The following TNKS variants were observed in gnomAD, a reference collection of about 807,000 sequenced individuals.
TNKS encodes tankyrase.
In TNKS, 72 loss-of-function variants were observed where a neutral mutation model predicts 135.8. The observed-to-expected ratio is 0.53, with a 90% CI of 0.44 to 0.64. TNKS has a LOEUF of 0.64. Among genes scored for constraint, TNKS ranks in the 30% least tolerant of loss-of-function variants. The pLI is 0.00. For synonymous variants in TNKS, 849 were observed against 649.3 expected, an observed-to-expected ratio of 1.31 and a Z score of -4.68; for missense variants, 1,769 against 1,674.0, an observed-to-expected ratio of 1.06 and a Z score of -0.99.
In TNKS at chr8:9,565,286, T is replaced by C. The variant is rs187767447; in HGVS notation, c.673+8674T>C. On this transcript the variant is annotated intron_variant, in intron 1 of 26. Transcript: ENST00000310430. ...TTTAGACAAGTTATTTATTTATTTA[T>C]TTATTTTGGTTTTGGAAGAGGGAAA... 4.1e-4 allele frequency among the ~76,000 whole-genome samples: 62 copies of C among 152,314 alleles called. 2 individuals are homozygous for C. Among genetic ancestry groups the C allele is most frequent in the Admixed American group, 3.3e-3 (51 of 15,300 alleles).
At chr8:9,582,697 T>C (rs955024539) in intron 2 of TNKS, among the ~76,000 whole-genome samples, 1 of 152,202 alleles carries the variant, frequency 6.6e-6, no homozygotes, top group Admixed American at 6.5e-5. Flanking sequence ...GAGGATAAGC[T>C]AGTACATATA....
At chr8:9,577,589 T>A (rs908013990) in intron 1 of TNKS, among the ~76,000 whole-genome samples, 1 of 152,106 alleles carries the variant, frequency 6.6e-6, no homozygotes, top group Non-Finnish European at 1.5e-5. Flanking sequence ...CAACCAGATC[T>A]TGTGAGAACT....
chr8:9,719,945 C>G (rs1018928775), intron 11 of TNKS, among the ~76,000 whole-genome samples: 1 of 152,130 alleles, frequency 6.6e-6, no homozygotes, highest in Non-Finnish European at 1.5e-5. Context: ...TAATCAACTA[C>G]TTTGACAGTC....
chr8:9,611,936 T>C (rs1799479284), intron 2 of TNKS, among the ~76,000 whole-genome samples: 1 of 152,216 alleles, frequency 6.6e-6, no homozygotes, highest in Non-Finnish European at 1.5e-5. Flanking sequence ...TTCATTTTGA[T>C]TCAGAGGGTG....
chr8:9,645,199 G>A (rs1165025715), intron 3 of TNKS, among the ~76,000 whole-genome samples: 1 of 152,026 alleles, frequency 6.6e-6, no homozygotes, highest in African/African-American at 2.4e-5. Flanking sequence ...GGTCTAAGGA[G>A]GACAAGGGTG....
intron 17 of TNKS, among the ~76,000 whole-genome samples, chr8:9,743,036 C>T (rs981464208): frequency 1.3e-5 from 2 of 152,066 alleles, no homozygotes; most frequent in African/African-American, 4.8e-5. Context: ...AATCATAGGA[C>T]TCCAGTCTAC....
intron 2 of TNKS, among the ~76,000 whole-genome samples, chr8:9,596,459 A>G (rs989130703): frequency 3.9e-5 from 6 of 152,174 alleles, no homozygotes; most frequent in African/African-American, 1.4e-4. Flanking sequence ...CTTTACTTTT[A>G]AAAAACGTAG....
At chr8:9,702,014 C>T (rs1268525558) in intron 5 of TNKS, among the ~76,000 whole-genome samples, 1 of 152,174 alleles carries the variant, frequency 6.6e-6, no homozygotes, top group Non-Finnish European at 1.5e-5. Flanking sequence ...AAAAAGCCCT[C>T]ATAATTCACT....
At chr8:9,688,999 C>G (rs572638989) in intron 5 of TNKS, among the ~76,000 whole-genome samples, 1 of 152,280 alleles carries the variant, frequency 6.6e-6, no homozygotes, top group South Asian at 2.1e-4. Context: ...GAGGTTCCCA[C>G]CCTTATGACC....
chr8:9,751,814 G>C lies in TNKS; in HGVS notation c.3038G>C (p.Gly1013Ala). 6.2e-7 allele frequency: 1 copy of C among 1,614,174 alleles called. No homozygotes were observed. Among genetic ancestry groups the C allele is most frequent in the Non-Finnish European group, 8.5e-7 (1 of 1,180,026 alleles). Reference sequence around the variant, plus strand: ...GGAGGAGCCTCCAATGCAGGGGATGGCGCCGCGGGAACAGAAAGGAAGGAA... The same window carrying C: ...GGAGGAGCCTCCAATGCAGGGGATGCCGCCGCGGGAACAGAAAGGAAGGAA... The part of the protein sequence containing the change: ...AVGGASNAGD[G>A]AAGTERKEGE... Residue 1013 changes from glycine (G) to alanine (A), a missense_variant, in exon 19 of 27, where the codon GGC (glycine) becomes GCC (alanine). Around this residue, in one of 5 missense-constraint regions of TNKS, gnomAD observed 722 missense variants for 688.9 expected, o/e 1.05. Transcript: ENST00000310430.
At chr8:9,669,812 A>AGACAAACATT (rs57482554) in intron 3 of TNKS, among the ~76,000 whole-genome samples, 2 of 152,004 alleles carry the variant, frequency 1.3e-5, no homozygotes, top group African/African-American at 4.8e-5. Context: ...GCCAGTTTCA[A>AGACAAACATT]GAGGGTTCGC....
intron 14 of TNKS, among the ~76,000 whole-genome samples, chr8:9,732,796 A>G (rs925822821): frequency 2.0e-5 from 3 of 152,140 alleles, no homozygotes; most frequent in African/African-American, 4.8e-5. Flanking sequence ...CTTACTGAAT[A>G]CTTCTCTGAA....
chr8:9,693,676 TA>T (rs1563171441), intron 5 of TNKS, among the ~76,000 whole-genome samples: 2 of 151,844 alleles, frequency 1.3e-5, no homozygotes, highest in African/African-American at 4.8e-5. Flanking sequence ...TGCAGGAAGT[TA>T]AAAAAAATTA....
intron 3 of TNKS, among the ~76,000 whole-genome samples, chr8:9,628,653 C>A (rs1000530119): frequency 6.6e-6 from 1 of 152,128 alleles, no homozygotes; most frequent in East Asian, 1.9e-4. Context: ...GGGGTGATTT[C>A]ATCGAGTCCA....
intron 5 of TNKS, among the ~76,000 whole-genome samples, chr8:9,687,800 C>T (rs759498355): frequency 2.0e-5 from 3 of 152,218 alleles, no homozygotes; most frequent in Non-Finnish European, 2.9e-5. Context: ...GGTACTAAAT[C>T]CTTTGGCCGT....
chr8:9,751,305 G>A lies in TNKS; in HGVS notation c.2833-304G>A, dbSNP rs867685435. On this transcript the variant is annotated intron_variant, in intron 18 of 26. Coordinates refer to ENST00000310430, the MANE Select transcript of TNKS (RefSeq NM_003747.3). Reference sequence around the variant, plus strand: ...ATAACCAGATTATAGCTGTTTAAACGTAAACAAAATATAGTAAACACAGAA... The same window carrying A: ...ATAACCAGATTATAGCTGTTTAAACATAAACAAAATATAGTAAACACAGAA... Among the ~76,000 whole-genome samples the A allele has an allele frequency of 1.8e-4, 28 of 152,276 alleles. No individual in the cohort carries two copies. In the South Asian group the frequency reaches 5.2e-3, roughly 28 times the overall value.
intron 3 of TNKS, among the ~76,000 whole-genome samples, chr8:9,668,634 G>C (rs1802116975): frequency 6.6e-6 from 1 of 152,218 alleles, no homozygotes; most frequent in Non-Finnish European, 1.5e-5. Context: ...AACTGAAATG[G>C]TGTGGAGTGA....
chr8:9,753,768 G>A (rs543263520), intron 20 of TNKS, among the ~76,000 whole-genome samples: 1 of 152,288 alleles, frequency 6.6e-6, no homozygotes, highest in African/African-American at 2.4e-5. Flanking sequence ...ATTTGGGACA[G>A]GTGTAATAGA....
intron 3 of TNKS, among the ~76,000 whole-genome samples, chr8:9,672,702 ACACACAC>A (rs1563158394): frequency 6.4e-5 from 8 of 125,380 alleles, no homozygotes; most frequent in African/African-American, 2.3e-4. Flanking sequence ...ACACACACAC[ACACACAC>A]ACAAAAAAAA....
Sources: gnomAD v4.1 joint callset for allele counts (sites outside exome capture counted in the v4.1 genomes callset) on GRCh38, gnomAD v4.1.1 for gene constraint, gnomAD v4.1.1 regional missense constraint, MANE v1.5 for transcripts, NCBI Gene and HGNC (gene_info 2026-07-23, HGNC 2026-07-21) for gene names.